The following MAPKAP1 variants were observed in gnomAD, a reference collection of about 807,000 sequenced individuals.
The protein encoded by MAPKAP1 is MAPK associated protein 1.
Under a neutral mutation model 65.7 loss-of-function variants are expected in MAPKAP1, and 20 were observed. That is an observed-to-expected ratio of 0.30 (90% confidence interval 0.21 to 0.44). MAPKAP1 has a LOEUF of 0.44. MAPKAP1 is among the 20% of genes least tolerant of loss of function. MAPKAP1 has a pLI of 1.00. For missense variants in MAPKAP1, 423 were observed against 648.0 expected (o/e 0.65, Z 3.77); for synonymous variants, 222 against 244.3 (o/e 0.91, Z 0.85).
chr9:125,481,829 C>T (rs1348387396), intron 9 of MAPKAP1, among the ~76,000 whole-genome samples: 2 of 152,100 alleles, frequency 1.3e-5, no homozygotes, highest in East Asian at 1.9e-4. Context: ...GGCATTCTTA[C>T]TTTCATAAAC....
chr9:125,584,669 C>T (rs995462934), intron 5 of MAPKAP1, among the ~76,000 whole-genome samples: 3 of 152,090 alleles, frequency 2.0e-5, no homozygotes, highest in Non-Finnish European at 4.4e-5. Flanking sequence ...TCAGGTGATC[C>T]GCCCACCTCA....
At chr9:125,532,081 G>A (rs949605533) in intron 7 of MAPKAP1, among the ~76,000 whole-genome samples, 2 of 152,104 alleles carry the variant, frequency 1.3e-5, no homozygotes, top group Middle Eastern at 3.2e-3. Flanking sequence ...CATTTTAAGT[G>A]AGGAAGCTGT....
intron 7 of MAPKAP1, chr9:125,513,311 C>T (rs1166412218): frequency 6.6e-6 from 1 of 150,482 alleles, no homozygotes; most frequent in Non-Finnish European, 1.5e-5. Flanking sequence ...ACCATAAGAA[C>T]AAGTTTGAGA....
intron 4 of MAPKAP1, among the ~76,000 whole-genome samples, chr9:125,604,502 G>A (rs373908679): frequency 1.0e-3 from 152 of 152,254 alleles, no homozygotes; most frequent in Admixed American, 1.8e-3. Context: ...ATACAACACA[G>A]CAGAGAAACA....
chr9:125,488,196 C>G (rs949427007), intron 8 of MAPKAP1, among the ~76,000 whole-genome samples: 4 of 152,114 alleles, frequency 2.6e-5, no homozygotes, highest in Non-Finnish European at 4.4e-5. Flanking sequence ...GAGCCTTGCC[C>G]CAACTGACAA....
chr9:125,632,641 A>G (rs1320537150), intron 4 of MAPKAP1, among the ~76,000 whole-genome samples: 1 of 152,182 alleles, frequency 6.6e-6, no homozygotes, highest in Non-Finnish European at 1.5e-5. Context: ...TGACTTTGTC[A>G]CTGCACATGC....
intron 6 of MAPKAP1, among the ~76,000 whole-genome samples, chr9:125,552,794 C>G (rs998101275): frequency 6.6e-6 from 1 of 152,150 alleles, no homozygotes; most frequent in Non-Finnish European, 1.5e-5. Flanking sequence ...AACCTGTTTT[C>G]TAACGGTGAT....
chr9:125,501,673 A>G (rs1828986304), intron 8 of MAPKAP1, among the ~76,000 whole-genome samples: 1 of 151,774 alleles, frequency 6.6e-6, no homozygotes, highest in Non-Finnish European at 1.5e-5. Context: ...CCTAATTACT[A>G]ATTAGCTTTT....
At chr9:125,678,238 ATTTTAT>A (rs1834711174) in intron 1 of MAPKAP1, among the ~76,000 whole-genome samples, 1 of 149,730 alleles carries the variant, frequency 6.7e-6, no homozygotes, top group African/African-American at 2.5e-5. Context: ...TTTTTATTTT[ATTTTAT>A]TTTTATTTAT....
At chr9:125,534,088 G>A (rs896786689) in intron 7 of MAPKAP1, among the ~76,000 whole-genome samples, 5 of 152,104 alleles carry the variant, frequency 3.3e-5, no homozygotes, top group Admixed American at 1.3e-4. Context: ...TATTTTTCAT[G>A]AGTTCACTTA....
At chr9:125,453,934 T>C (rs1401402376) in intron 10 of MAPKAP1, among the ~76,000 whole-genome samples, 1 of 152,234 alleles carries the variant, frequency 6.6e-6, no homozygotes, top group East Asian at 1.9e-4. Context: ...ATAAATACTA[T>C]CACTTGTTCT....
chr9:125,462,582 T>C (rs891943877), intron 10 of MAPKAP1, among the ~76,000 whole-genome samples: 2 of 152,242 alleles, frequency 1.3e-5, no homozygotes, highest in African/African-American at 2.4e-5. Context: ...TTTGTTTACA[T>C]AAACCCTGAA....
rs114563564 is a variant in MAPKAP1, at chr9:125,475,238, C to T, written c.1208-7129G>A. Among the ~76,000 whole-genome samples, 835 of 152,338 alleles carry T rather than the reference C, an allele frequency of 5.5e-3. 8 individuals are homozygous for T. Among genetic ancestry groups the T allele is most frequent in the Middle Eastern group, 0.017 (5 of 294 alleles). On this transcript the variant is annotated intron_variant, in intron 9 of 11. Coordinates refer to ENST00000265960, the MANE Select transcript of MAPKAP1 (RefSeq NM_001006617.3). ...CCAGGCCAGGGCTTAAACAGACCAG[C>T]TCACCTGCCATGCAGGAGTACTGCA...
chr9:125,659,477 A>G (rs1314371736), intron 3 of MAPKAP1, among the ~76,000 whole-genome samples: 1 of 152,102 alleles, frequency 6.6e-6, no homozygotes, highest in East Asian at 1.9e-4. Context: ...TGGAGAATAG[A>G]AACAACCAAA....
chr9:125,623,745 C>T (rs1344847549), intron 4 of MAPKAP1, among the ~76,000 whole-genome samples: 33 of 53,800 alleles, frequency 6.1e-4, no homozygotes, highest in African/African-American at 1.5e-3. Flanking sequence ...CCGCCCCATC[C>T]GGGAGGGAGG....
intron 5 of MAPKAP1, chr9:125,565,452 T>C (rs1831021965): frequency 5.6e-6 from 1 of 177,828 alleles, no homozygotes; most frequent in African/African-American, 2.4e-5. Flanking sequence ...CTTATTGTTT[T>C]TTTTTTACAT....
intron 10 of MAPKAP1, among the ~76,000 whole-genome samples, chr9:125,444,984 G>A (rs1301983143): frequency 2.0e-5 from 3 of 152,156 alleles, no homozygotes; most frequent in Non-Finnish European, 4.4e-5. Flanking sequence ...TGAGCAACAG[G>A]AAGGAGAAGG....
At chr9:125,675,781 A>T (rs1026137973) in intron 1 of MAPKAP1, among the ~76,000 whole-genome samples, 1 of 152,194 alleles carries the variant, frequency 6.6e-6, no homozygotes, top group African/African-American at 2.4e-5. Context: ...ACTTCCAAGG[A>T]CTATTCAATT....
At chr9:125,507,362 GA>G (rs541113137) in intron 7 of MAPKAP1, among the ~76,000 whole-genome samples, 562 of 152,338 alleles carry the variant, frequency 3.7e-3, no homozygotes, top group Non-Finnish European at 5.6e-3. Context: ...TTTTGACTCT[GA>G]AAGGCGTGTT....
Sources: allele counts gnomAD v4.1 joint callset (sites outside exome capture counted in the v4.1 genomes callset), GRCh38; gene constraint gnomAD v4.1.1; transcripts MANE v1.5; gene names NCBI Gene and HGNC (gene_info 2026-07-23, HGNC 2026-07-21).